RABGAP1L: variants seen among roughly 807,000 people sequenced by gnomAD.
The protein encoded by RABGAP1L is RAB GTPase activating protein 1 like.
RABGAP1L carries 63 observed loss-of-function variants against 137.7 expected under a neutral mutation model. The ratio of observed to expected loss-of-function variants is 0.46; its 90% CI spans 0.37 to 0.56. The LOEUF is 0.56. RABGAP1L is among the 20% of genes least tolerant of loss of function. RABGAP1L has a pLI of 0.00. For missense variants in RABGAP1L, 1,095 were observed against 1,244.0 expected (o/e 0.88, Z 1.80); for synonymous variants, 431 against 433.7 (o/e 0.99, Z 0.08).
chr1:174,235,016 T>G (rs1048113154), intron 4 of RABGAP1L, among the ~76,000 whole-genome samples: 2 of 129,174 alleles, frequency 1.5e-5, no homozygotes, highest in Non-Finnish European at 3.2e-5. Context: ...GGTATTTTAT[T>G]CTCTTTGAAG....
At chr1:174,598,972 G>C (rs1010129324) in intron 13 of RABGAP1L, among the ~76,000 whole-genome samples, 4 of 151,832 alleles carry the variant, frequency 2.6e-5, no homozygotes, top group Admixed American at 1.3e-4. Context: ...GTTGCCTTAT[G>C]ATCTTTCTCC....
At chr1:174,342,115 G>A (rs1418438011) in intron 11 of RABGAP1L, among the ~76,000 whole-genome samples, 1 of 152,070 alleles carries the variant, frequency 6.6e-6, no homozygotes, top group African/African-American at 2.4e-5. Flanking sequence ...AGGGAGGTAA[G>A]AATGTTTATT....
At chr1:174,726,006 AAAAC>A (rs147261352) in intron 17 of RABGAP1L, among the ~76,000 whole-genome samples, 3,640 of 152,210 alleles carry the variant, frequency 0.024, 64 homozygotes, top group Middle Eastern at 0.048. Flanking sequence ...AAATATATTT[AAAAC>A]AAACAAACAA....
In RABGAP1L at chr1:174,567,097, A is replaced by G. The variant is rs145262375; in HGVS notation, c.1711-70278A>G. On this transcript the variant is annotated intron_variant, in intron 13 of 25. Coordinates refer to ENST00000681986, the MANE Select transcript of RABGAP1L (RefSeq NM_001366446.1). ...ACACTAAATATGTTAACAGTGTTGTATAACCATTACCACTATCTATATCCA... is the reference window on the plus strand; with the variant it reads ...ACACTAAATATGTTAACAGTGTTGTGTAACCATTACCACTATCTATATCCA... Among the ~76,000 whole-genome samples the G allele has an allele frequency of 1.1e-3, 168 of 152,216 alleles. 2 individuals are homozygous for G. The highest frequency in any genetic ancestry group is 3.9e-3 in the African/African-American group (160 of 41,552).
chr1:174,893,039 C>A, intron 19 of RABGAP1L: 1 of 267,226 alleles, frequency 3.7e-6, no homozygotes, highest in Non-Finnish European at 7.7e-6. Flanking sequence ...AGCCACCACG[C>A]CCAGCCAGGC....
chr1:174,706,232 T>C (rs945119224), intron 17 of RABGAP1L, among the ~76,000 whole-genome samples: 1 of 152,170 alleles, frequency 6.6e-6, no homozygotes, highest in Non-Finnish European at 1.5e-5. Flanking sequence ...CAATGCAGCC[T>C]GACTGAACAA....
chr1:174,909,893 A>G (rs1659774467), intron 19 of RABGAP1L, among the ~76,000 whole-genome samples: 1 of 152,306 alleles, frequency 6.6e-6, no homozygotes, highest in East Asian at 1.9e-4. Context: ...TAATCCCAGC[A>G]CTTTGGGAGG....
intron 4 of RABGAP1L, among the ~76,000 whole-genome samples, chr1:174,233,529 T>C (rs1275467691): frequency 4.2e-5 from 6 of 142,982 alleles, no homozygotes; most frequent in South Asian, 2.1e-4. Context: ...GGTTTTTTGT[T>C]CTTGCGATAG....
intron 20 of RABGAP1L, among the ~76,000 whole-genome samples, chr1:174,967,732 C>T (rs985266566): frequency 5.9e-5 from 9 of 152,014 alleles, no homozygotes; most frequent in Admixed American, 2.6e-4. Context: ...AGCAATCCTC[C>T]GGTCTCAGGC....
At chr1:174,778,300 G>A (rs1686694319) in intron 18 of RABGAP1L, among the ~76,000 whole-genome samples, 2 of 152,140 alleles carry the variant, frequency 1.3e-5, no homozygotes, top group African/African-American at 4.8e-5. Context: ...ATGCAAAAAT[G>A]TCTCTCAAAA....
At chr1:174,907,514 C>T (rs994737221) in intron 19 of RABGAP1L, among the ~76,000 whole-genome samples, 12 of 151,964 alleles carry the variant, frequency 7.9e-5, no homozygotes, top group Non-Finnish European at 4.4e-5. Flanking sequence ...ATGGTTTTGC[C>T]ATGTTGCCCA....
rs1454571284 is a variant in RABGAP1L, at chr1:174,370,973, C to T, written c.1466-6C>T. Reference sequence around the variant, plus strand: ...ATGTTTGTTGGTTTTTGCGTTTCTTCTGCAGAGAGTGATAATGAACTCTCA... The same window carrying T: ...ATGTTTGTTGGTTTTTGCGTTTCTTTTGCAGAGAGTGATAATGAACTCTCA... On this transcript the variant is annotated splice_region_variant and splice_polypyrimidine_tract_variant and intron_variant, in intron 11 of 25. Transcript: ENST00000681986. 2.1e-6 allele frequency: 3 copies of T among 1,449,594 alleles called. No homozygotes were observed. Among genetic ancestry groups the T allele is most frequent in the Non-Finnish European group, 2.8e-6 (3 of 1,071,818 alleles). The allele number at this position is 1,449,594 out of a possible 1,614,324, so 89.8% of individuals were successfully genotyped here.
chr1:174,590,347 T>A (rs1413647943), intron 13 of RABGAP1L, among the ~76,000 whole-genome samples: 11 of 134,018 alleles, frequency 8.2e-5, no homozygotes, highest in South Asian at 2.3e-4. Context: ...TTTTTTTTTT[T>A]ATTTATTTTT....
intron 13 of RABGAP1L, among the ~76,000 whole-genome samples, chr1:174,422,945 CAAA>C (rs202100563): frequency 1.4e-4 from 11 of 79,644 alleles, no homozygotes; most frequent in Admixed American, 2.9e-4. Context: ...AGATTCTGTC[CAAA>C]AAAAAAAAAA....
chr1:174,465,825 G>T (rs1171447047), intron 13 of RABGAP1L, among the ~76,000 whole-genome samples: 1 of 152,156 alleles, frequency 6.6e-6, no homozygotes, highest in African/African-American at 2.4e-5. Context: ...ATGATCTTAT[G>T]GTGAAAGACT....
chr1:174,336,074 CCT>C (rs1681441356), intron 11 of RABGAP1L, among the ~76,000 whole-genome samples: 1 of 152,062 alleles, frequency 6.6e-6, no homozygotes, highest in Non-Finnish European at 1.5e-5. Flanking sequence ...AAATTTTCCC[CCT>C]GAGTTGTCAT....
At position 174,683,550 on chromosome 1, in the gene RABGAP1L, G is replaced by T. The variant is rs1204574881; in HGVS notation, c.1853G>T (p.Gly618Val). The T allele has an allele frequency of 6.2e-7, 1 of 1,607,436 alleles. No individual in the cohort carries two copies. The highest frequency in any genetic ancestry group is 8.5e-7 in the Non-Finnish European group (1 of 1,174,222). The change falls in exon 15 of 26, where the codon GGG becomes GTG. Residue 618 changes from glycine (G) to valine (V), a missense_variant. Gly to Val is a moderately radical substitution (Grantham distance 109, BLOSUM62 -3). This residue lies in a region of RABGAP1L where 315 missense variants were observed against 324.8 expected (regional missense o/e 0.97). Coordinates refer to ENST00000681986, the MANE Select transcript of RABGAP1L (RefSeq NM_001366446.1). ...KAYSVYDEDI[G>V]YCQGQSFLAA... ...TACTCTGTGTATGATGAAGACATTG[G>T]GTACTGTCAAGGGCAGTCTTTTCTT... is the stretch of plus-strand genomic sequence containing the variant.
intron 17 of RABGAP1L, among the ~76,000 whole-genome samples, chr1:174,733,438 C>G (rs371372214): frequency 9.9e-4 from 151 of 152,290 alleles, no homozygotes; most frequent in African/African-American, 3.3e-3. Flanking sequence ...GCTTTCCTCC[C>G]AATACTTTAA....
intron 19 of RABGAP1L, among the ~76,000 whole-genome samples, chr1:174,955,813 G>A (rs1408219051): frequency 6.6e-6 from 1 of 152,174 alleles, no homozygotes; most frequent in Non-Finnish European, 1.5e-5. Context: ...TAGGCACAGT[G>A]GCTCAGGCCT....
Sources: gnomAD v4.1 joint callset for allele counts (sites outside exome capture counted in the v4.1 genomes callset) on GRCh38, gnomAD v4.1.1 for gene constraint, gnomAD v4.1.1 regional missense constraint, MANE v1.5 for transcripts, NCBI Gene and HGNC (gene_info 2026-07-23, HGNC 2026-07-21) for gene names.